The following NTM variants were observed in gnomAD, a reference collection of about 807,000 sequenced individuals.
NTM encodes the protein IgLON family member 2.
Under a neutral mutation model 42.1 loss-of-function variants are expected in NTM, and 13 were observed. The ratio of observed to expected loss-of-function variants is 0.31; its 90% CI spans 0.20 to 0.49. The LOEUF is 0.49. Among genes scored for constraint, NTM ranks in the 20% least tolerant of loss-of-function variants. NTM has a pLI of 0.99. For missense variants in NTM, 373 were observed against 452.8 expected, an observed-to-expected ratio of 0.82 and a Z score of 1.60; for synonymous variants, 187 against 179.2, an observed-to-expected ratio of 1.04 and a Z score of -0.35.
At chr11:131,446,079 A>G (rs142243770) in intron 1 of NTM, among the ~76,000 whole-genome samples, 1 of 152,288 alleles carries the variant, frequency 6.6e-6, no homozygotes, top group African/African-American at 2.4e-5. Flanking sequence ...GTTTTCAAAT[A>G]TCCAACTTAA....
At chr11:131,895,532 T>C (rs564561314) in intron 1 of NTM, among the ~76,000 whole-genome samples, 2 of 152,254 alleles carry the variant, frequency 1.3e-5, no homozygotes, top group East Asian at 1.9e-4. Context: ...GAACAAGAAA[T>C]GGCAACTGCC....
chr11:132,100,290 A>G (rs1186050739), intron 2 of NTM, among the ~76,000 whole-genome samples: 7 of 152,234 alleles, frequency 4.6e-5, no homozygotes, highest in African/African-American at 1.7e-4. Context: ...GGTATTGATC[A>G]GCATCATTGA....
chr11:131,499,144 G>A (rs181639585), intron 1 of NTM, among the ~76,000 whole-genome samples: 42 of 152,284 alleles, frequency 2.8e-4, no homozygotes, highest in African/African-American at 8.2e-4. Flanking sequence ...TCCATAATTC[G>A]ATAGGAAAAT....
chr11:132,335,214 A>T lies in NTM; in HGVS notation c.*68A>T. On this transcript the variant is annotated 3_prime_UTR_variant, in exon 9 of 9. Transcript: ENST00000683400. The stretch of plus-strand genomic sequence containing the variant: ...CCACCACCAACACAACAGCAATGGC[A>T]ACACCGACAGCAACCAATCAGATAT... 1 of 1,548,916 alleles carries T rather than the reference A, an allele frequency of 6.5e-7. No individual in the cohort carries two copies. Among genetic ancestry groups the T allele is most frequent in the Non-Finnish European group, 8.8e-7 (1 of 1,130,466 alleles).
chr11:131,997,932 C>G (rs1183305965), intron 2 of NTM, among the ~76,000 whole-genome samples: 2 of 152,080 alleles, frequency 1.3e-5, no homozygotes, highest in Non-Finnish European at 1.5e-5. Context: ...TGCACCTCTC[C>G]TCCCTCTCTC....
intron 4 of NTM, among the ~76,000 whole-genome samples, chr11:132,244,307 G>A (rs934493187): frequency 1.4e-4 from 21 of 152,220 alleles, no homozygotes; most frequent in Admixed American, 2.6e-4. Context: ...TGCAGCTACT[G>A]TCTCTGCCTA....
chr11:132,211,162 G>A (rs903305701), intron 3 of NTM, among the ~76,000 whole-genome samples: 7 of 152,212 alleles, frequency 4.6e-5, no homozygotes, highest in Admixed American at 3.9e-4. Context: ...CGTGCACTTT[G>A]ATAGGCTGAG....
At chr11:131,390,485 C>T (rs1372827409) in intron 1 of NTM, among the ~76,000 whole-genome samples, 4 of 152,158 alleles carry the variant, frequency 2.6e-5, no homozygotes, top group Non-Finnish European at 4.4e-5. Context: ...ATAACCTGAG[C>T]ACTTGGCCCC....
intron 2 of NTM, among the ~76,000 whole-genome samples, chr11:132,054,031 C>T (rs59759139): frequency 0.024 from 3,722 of 152,252 alleles, 163 homozygotes; most frequent in African/African-American, 0.085. Flanking sequence ...GCCTGATCAA[C>T]GTGGTGAAAT....
At chr11:131,906,007 C>G (rs1405680308) in intron 1 of NTM, among the ~76,000 whole-genome samples, 1 of 152,098 alleles carries the variant, frequency 6.6e-6, no homozygotes, top group African/African-American at 2.4e-5. Context: ...GGGTGGAGTT[C>G]ATTTAATTTT....
Position 132,336,643 on chromosome 11 carries a change from AGAG to A in NTM, c.*1498_*1500del, listed in dbSNP as rs1056789120. 1.4e-4 allele frequency: 21 copies of A among 152,598 alleles called. No individual in the cohort carries two copies. The highest frequency in any genetic ancestry group is 5.1e-4 in the African/African-American group (21 of 41,522). 9.5% of individuals were successfully genotyped at this position (152,598 alleles called of 1,614,324 possible). Reference sequence around the variant, plus strand: ...CCACCTTTGTGTGAGTGTGTATGAAAGAGAAGAAAATGCAATTTTTAGGTAATC... The same window carrying A: ...CCACCTTTGTGTGAGTGTGTATGAAAAAGAAAATGCAATTTTTAGGTAATC... On this transcript the variant is annotated 3_prime_UTR_variant, in exon 9 of 9. Transcript: ENST00000683400.
chr11:131,731,310 T>C (rs1237216944), intron 1 of NTM, among the ~76,000 whole-genome samples: 1 of 152,208 alleles, frequency 6.6e-6, no homozygotes, highest in African/African-American at 2.4e-5. Flanking sequence ...CATATGTAGG[T>C]CAGCTCCCAT....
chr11:131,762,536 G>T (rs796510525), intron 1 of NTM, among the ~76,000 whole-genome samples: 1 of 152,238 alleles, frequency 6.6e-6, no homozygotes, highest in Non-Finnish European at 1.5e-5. Flanking sequence ...ACCCGAGCTG[G>T]AGGACCTGAA....
chr11:131,897,071 G>C lies in NTM; in HGVS notation c.83-14493G>C, dbSNP rs925950637. The C allele has an allele frequency of 1.8e-4, 27 of 152,330 alleles. 1 individual carries two copies. Among genetic ancestry groups the C allele is most frequent in the African/African-American group, 6.5e-4 (27 of 41,558 alleles). The allele number at this position is 152,330 out of a possible 1,614,324, so 9.4% of individuals were successfully genotyped here. A position where few individuals can be genotyped will look rare whatever the true frequency, so the allele number is the denominator to read the frequency against. ...GACGTCCGTGGCTGAATAGCCATGC[G>C]TTGCTGCGTCTCTAACCTCTGCGGC... is the stretch of plus-strand genomic sequence containing the variant. On this transcript the variant is annotated intron_variant, in intron 1 of 8. Transcript: ENST00000683400.
At chr11:131,378,985 G>A (rs1446789670) in intron 1 of NTM, among the ~76,000 whole-genome samples, 1 of 152,138 alleles carries the variant, frequency 6.6e-6, no homozygotes, top group African/African-American at 2.4e-5. Flanking sequence ...GGTGTATGCC[G>A]GAGTGAAAAC....
intron 4 of NTM, among the ~76,000 whole-genome samples, chr11:132,238,912 A>G (rs1308218281): frequency 1.3e-5 from 2 of 152,198 alleles, no homozygotes; most frequent in African/African-American, 4.8e-5. Flanking sequence ...TTTCTCTAAG[A>G]AATGTCTGCA....
intron 2 of NTM, among the ~76,000 whole-genome samples, chr11:132,001,643 G>C (rs558779420): frequency 2.0e-5 from 3 of 152,246 alleles, no homozygotes; most frequent in Admixed American, 6.5e-5. Flanking sequence ...ACAGCCCGAA[G>C]CTCTGAGGGA....
intron 1 of NTM, among the ~76,000 whole-genome samples, chr11:131,421,914 C>T (rs1297527436): frequency 2.0e-5 from 3 of 152,082 alleles, no homozygotes; most frequent in Non-Finnish European, 4.4e-5. Context: ...ATTTTACTTC[C>T]ATAATTATTG....
intron 1 of NTM, among the ~76,000 whole-genome samples, chr11:131,410,816 G>A (rs1045461020): frequency 6.6e-6 from 1 of 152,118 alleles, no homozygotes; most frequent in Non-Finnish European, 1.5e-5. Context: ...TAAACATGTG[G>A]GAGTTATTTA....
Sources: gnomAD v4.1 joint callset for allele counts (sites outside exome capture counted in the v4.1 genomes callset) on GRCh38, gnomAD v4.1.1 for gene constraint, MANE v1.5 for transcripts, NCBI Gene and HGNC (gene_info 2026-07-23, HGNC 2026-07-21) for gene names.